Variants in STK32B observed in about 807,000 individuals in gnomAD.
STK32B encodes the protein serine/threonine-protein kinase 32B.
Under a neutral mutation model 52.6 loss-of-function variants are expected in STK32B, and 43 were observed. The ratio of observed to expected loss-of-function variants is 0.82; its 90% CI spans 0.64 to 1.05. STK32B has a LOEUF of 1.05. STK32B is among the 50% of genes least tolerant of loss of function. STK32B has a pLI of 0.00. For missense variants in STK32B, 621 were observed against 534.6 expected (o/e 1.16, Z -1.59); for synonymous variants, 238 against 204.3 (o/e 1.17, Z -1.41).
At chr4:5,347,046 C>T (rs79535687) in intron 4 of STK32B, among the ~76,000 whole-genome samples, 1 of 152,192 alleles carries the variant, frequency 6.6e-6, no homozygotes, top group Non-Finnish European at 1.5e-5. Context: ...GATCTGGTCA[C>T]CTCCCACTAG....
chr4:5,473,887 G>A (rs1407837293), intron 11 of STK32B, among the ~76,000 whole-genome samples: 1 of 152,150 alleles, frequency 6.6e-6, no homozygotes, highest in African/African-American at 2.4e-5. Context: ...GGCCGAGGCA[G>A]GTGGATCACC....
the STK32B span, among the ~76,000 whole-genome samples, chr4:5,029,619 C>T: frequency 3.9e-5 from 6 of 152,156 alleles, no homozygotes; most frequent in South Asian, 2.1e-4. Context: ...GCCTGGAAGC[C>T]GGTCCTCCCC....
chr4:5,047,450 G>A (rs903029125), upstream of STK32B, among the ~76,000 whole-genome samples: 8 of 151,934 alleles, frequency 5.3e-5, no homozygotes, highest in African/African-American at 1.7e-4. Context: ...CATGTATCCC[G>A]GAACTTAAAG....
At chr4:5,173,182 A>G (rs1441765709) in intron 3 of STK32B, among the ~76,000 whole-genome samples, 1 of 151,936 alleles carries the variant, frequency 6.6e-6, no homozygotes, top group Non-Finnish European at 1.5e-5. Context: ...TATTGTGTCT[A>G]TTGGATTCTT....
At chr4:5,423,751 A>G (rs1712837709) in intron 6 of STK32B, among the ~76,000 whole-genome samples, 1 of 152,172 alleles carries the variant, frequency 6.6e-6, no homozygotes, top group African/African-American at 2.4e-5. Flanking sequence ...ACCAAATGTC[A>G]GTTCCCTTCC....
intron 2 of STK32B, among the ~76,000 whole-genome samples, chr4:5,158,109 A>G (rs1036043265): frequency 2.6e-5 from 4 of 152,172 alleles, no homozygotes; most frequent in Non-Finnish European, 5.9e-5. Context: ...ATGGCTTGCA[A>G]GCGTCGGCCA....
chr4:5,492,469 T>A (rs1057403207), intron 11 of STK32B, among the ~76,000 whole-genome samples: 1 of 152,136 alleles, frequency 6.6e-6, no homozygotes, highest in Non-Finnish European at 1.5e-5. Context: ...CTTAAGGAGA[T>A]TTTGGGCTGA....
chr4:5,323,715 T>C (rs6843506), intron 3 of STK32B, among the ~76,000 whole-genome samples: 52,524 of 152,088 alleles, frequency 0.35, 13,531 homozygotes, highest in African/African-American at 0.72. Context: ...GTTTGTGGCT[T>C]TTTCATTCCG....
At chr4:5,300,697 A>G (rs1170874780) in intron 3 of STK32B, among the ~76,000 whole-genome samples, 4 of 152,286 alleles carry the variant, frequency 2.6e-5, no homozygotes, top group East Asian at 3.9e-4. Context: ...AATAACCACA[A>G]AAAGAATAAA....
intron 4 of STK32B, among the ~76,000 whole-genome samples, chr4:5,333,096 G>C (rs1004874479): frequency 6.6e-6 from 1 of 151,708 alleles, no homozygotes; most frequent in African/African-American, 2.4e-5. Context: ...GGTTGAACTA[G>C]TTTACAGTCC....
In STK32B at chr4:5,106,926, C is replaced by T. The variant is rs745500846; in HGVS notation, c.53-32979C>T. On this transcript the variant is annotated intron_variant, in intron 1 of 11. Coordinates refer to ENST00000282908, the MANE Select transcript of STK32B (RefSeq NM_018401.3). ...GATTTAAATTGAATAATTTTCAGCA[C>T]GAATTCTTCACTTGTGCTATACATT... is the stretch of plus-strand genomic sequence containing the variant. Among the ~76,000 whole-genome samples the T allele has an allele frequency of 6.6e-5, 10 of 152,286 alleles. No homozygotes were observed. In the South Asian group the frequency reaches 1.0e-3, roughly 16 times the overall value.
chr4:5,312,335 T>A (rs185626694), intron 3 of STK32B, among the ~76,000 whole-genome samples: 106 of 152,052 alleles, frequency 7.0e-4, no homozygotes, highest in African/African-American at 2.5e-3. Flanking sequence ...ATGTGCACAA[T>A]GTGCAGGTAG....
intron 3 of STK32B, among the ~76,000 whole-genome samples, chr4:5,238,266 G>A (rs1724768797): frequency 6.6e-6 from 1 of 152,134 alleles, no homozygotes; most frequent in Non-Finnish European, 1.5e-5. Flanking sequence ...GCCTTCTCCA[G>A]CTTCTAGTGG....
chr4:5,056,572 C>G lies in STK32B; in HGVS notation c.52+4657C>G, dbSNP rs1047858304. Among the ~76,000 whole-genome samples, 7 of 152,374 alleles carry G rather than the reference C, an allele frequency of 4.6e-5. No individual in the cohort carries two copies. The East Asian group carries it at 1.3e-3, about 29-fold the overall frequency. On this transcript the variant is annotated intron_variant, in intron 1 of 11. Coordinates refer to ENST00000282908, the MANE Select transcript of STK32B (RefSeq NM_018401.3). ...TCTGTGCTTTATTCTCAGGCGGGCT[C>G]TCTCTTCATGGGGCTCCCGCCCCCT...
the STK32B span, among the ~76,000 whole-genome samples, chr4:5,043,401 G>A: frequency 6.6e-6 from 1 of 152,150 alleles, no homozygotes; most frequent in South Asian, 2.1e-4. Flanking sequence ...TATTTATTAT[G>A]TATTATTCTG....
intron 2 of STK32B, 42 bp from the exon 3 acceptor site, chr4:5,168,257 C>G: frequency 6.3e-7 from 1 of 1,580,792 alleles, no homozygotes; most frequent in Non-Finnish European, 8.6e-7. Flanking sequence ...TCTCCCTTTT[C>G]GATTGTTGGC....
intron 3 of STK32B, among the ~76,000 whole-genome samples, chr4:5,284,884 A>G (rs1728447861): frequency 6.6e-6 from 1 of 152,170 alleles, no homozygotes; most frequent in African/African-American, 2.4e-5. Context: ...GGACCCATAC[A>G]AAGTGCCACT....
chr4:5,375,702 CT>C (rs969165169), intron 4 of STK32B, among the ~76,000 whole-genome samples: 10 of 152,070 alleles, frequency 6.6e-5, no homozygotes, highest in Admixed American at 6.6e-4. Flanking sequence ...CCTTTTCTCC[CT>C]TTGTTTTGGC....
At chr4:5,385,508 A>C (rs935476744) in intron 4 of STK32B, among the ~76,000 whole-genome samples, 1 of 151,970 alleles carries the variant, frequency 6.6e-6, no homozygotes, top group Non-Finnish European at 1.5e-5. Context: ...CCACAAGTGG[A>C]GATGGCTACA....
Sources: gnomAD v4.1 joint callset for allele counts (sites outside exome capture counted in the v4.1 genomes callset) on GRCh38, gnomAD v4.1.1 for gene constraint, MANE v1.5 for transcripts, NCBI Gene and HGNC (gene_info 2026-07-23, HGNC 2026-07-21) for gene names.